The following ERC2 variants were observed in gnomAD, a reference collection of about 807,000 sequenced individuals.
The protein encoded by ERC2 is ERC protein 2.
A neutral mutation model predicts 114.8 loss-of-function variants in ERC2; 42 were observed. The ratio of observed to expected loss-of-function variants is 0.37; its 90% confidence interval spans 0.29 to 0.47. The LOEUF (loss-of-function observed/expected upper bound fraction) is 0.47, where lower values mean the gene tolerates loss of function less well. Among genes scored for constraint, ERC2 ranks in the 20% least tolerant of loss-of-function variants. The pLI is 0.99. For missense variants in ERC2, 939 were observed against 1,150.7 expected (o/e 0.82, Z 2.66); for synonymous variants, 454 against 425.5 (o/e 1.07, Z -0.82).
intron 6 of ERC2, among the ~76,000 whole-genome samples, chr3:56,107,875 A>G (rs571819987): frequency 6.6e-6 from 1 of 152,314 alleles, no homozygotes; most frequent in South Asian, 2.1e-4. Context: ...TTTTCCATAT[A>G]AGATATACTA....
At chr3:55,865,702 T>C (rs2062279122) in intron 14 of ERC2, among the ~76,000 whole-genome samples, 1 of 152,202 alleles carries the variant, frequency 6.6e-6, no homozygotes, top group Non-Finnish European at 1.5e-5. Context: ...AATTAGATCA[T>C]ACAATGTGGC....
intron 14 of ERC2, among the ~76,000 whole-genome samples, chr3:55,863,093 G>C (rs2062098858): frequency 6.6e-6 from 1 of 152,056 alleles, no homozygotes; most frequent in Non-Finnish European, 1.5e-5. Flanking sequence ...CTGGGATTAG[G>C]GGAGCAAAAG....
At chr3:56,105,394 A>G (rs936037860) in intron 6 of ERC2, among the ~76,000 whole-genome samples, 1 of 144,370 alleles carries the variant, frequency 6.9e-6, no homozygotes, top group Middle Eastern at 3.3e-3. Flanking sequence ...ACTCCAACCA[A>G]CTCCAACTCC....
intron 3 of ERC2, among the ~76,000 whole-genome samples, chr3:56,178,434 C>T (rs2083099870): frequency 6.6e-6 from 1 of 152,152 alleles, no homozygotes; most frequent in South Asian, 2.1e-4. Flanking sequence ...AAGAAAACTA[C>T]ATGGCCTTTT....
rs549415995 is a variant in ERC2 at position 56,374,197 on chromosome 3, C to A, written c.657+60154G>T. Among the ~76,000 whole-genome samples, 3 of 152,260 alleles carry A rather than the reference C, an allele frequency of 2.0e-5. No homozygotes were observed. In the East Asian group the frequency reaches 5.8e-4, roughly 29 times the overall value. ...CTGTAACCTCCACCTTCCAGGTTCA[C>A]GCCATTCTCCTGCCTCAGCCTCCTG... is the stretch of plus-strand genomic sequence containing the variant. On this transcript the variant is annotated intron_variant, in intron 2 of 17. Coordinates refer to ENST00000288221, the MANE Select transcript of ERC2 (RefSeq NM_015576.3).
intron 7 of ERC2, among the ~76,000 whole-genome samples, chr3:56,054,608 T>G (rs1284367146): frequency 6.6e-6 from 1 of 152,172 alleles, no homozygotes; most frequent in East Asian, 1.9e-4. Flanking sequence ...CTCCTAATAA[T>G]CCTATGGAAA....
At chr3:56,086,471 A>G (rs867318184) in intron 6 of ERC2, among the ~76,000 whole-genome samples, 28 of 151,210 alleles carry the variant, frequency 1.9e-4, no homozygotes, top group Admixed American at 5.3e-4. Context: ...GTTTTGCACT[A>G]GAAATGGGCT....
At chr3:56,287,177 T>C (rs1463684163) in intron 3 of ERC2, among the ~76,000 whole-genome samples, 1 of 152,158 alleles carries the variant, frequency 6.6e-6, no homozygotes, top group Non-Finnish European at 1.5e-5. Context: ...GTCTTAGGAG[T>C]TACAAATGCA....
intron 14 of ERC2, among the ~76,000 whole-genome samples, chr3:55,880,480 C>CTG (rs1286709916): frequency 9.8e-5 from 15 of 152,288 alleles, no homozygotes; most frequent in African/African-American, 3.6e-4. Context: ...TAGTAAGCAA[C>CTG]TGTGCATTTA....
chr3:56,030,886 C>T (rs889806256), intron 7 of ERC2, among the ~76,000 whole-genome samples: 2 of 152,172 alleles, frequency 1.3e-5, no homozygotes, highest in African/African-American at 4.8e-5. Context: ...GAATCCCAGG[C>T]AGTGCAGCAT....
chr3:55,885,733 C>T (rs1355899434), intron 14 of ERC2, among the ~76,000 whole-genome samples: 2 of 152,110 alleles, frequency 1.3e-5, no homozygotes, highest in African/African-American at 4.8e-5. Context: ...AAACAGAGGA[C>T]ATATTTTCAT....
Position 56,382,195 on chromosome 3 carries a change from G to A in ERC2, c.657+52156C>T, listed in dbSNP as rs550727207. On this transcript the variant is annotated intron_variant, in intron 2 of 17. Coordinates refer to ENST00000288221, the MANE Select transcript of ERC2 (RefSeq NM_015576.3). ...CCTGTAACTCTGGGTGCCCCAACAC[G>A]TGTGCCTACCCATAGTAGCCCCTCC... 5.0e-4 allele frequency among the ~76,000 whole-genome samples: 76 copies of A among 152,010 alleles called. 1 individual carries two copies. The highest frequency in any genetic ancestry group is 3.4e-3 in the Middle Eastern group (1 of 294).
intron 12 of ERC2, among the ~76,000 whole-genome samples, chr3:55,978,498 C>T (rs775572880): frequency 2.0e-4 from 30 of 152,290 alleles, no homozygotes; most frequent in African/African-American, 5.8e-4. Flanking sequence ...AGAAAAGCAA[C>T]GGAGGCAGCC....
chr3:56,158,159 G>A (rs987763047), intron 4 of ERC2, among the ~76,000 whole-genome samples: 3 of 152,166 alleles, frequency 2.0e-5, no homozygotes, highest in Non-Finnish European at 2.9e-5. Flanking sequence ...CTCAGACTTG[G>A]CAGAATTTTT....
At chr3:55,714,111 A>G (rs1223190128) in intron 15 of ERC2, among the ~76,000 whole-genome samples, 4 of 152,208 alleles carry the variant, frequency 2.6e-5, no homozygotes, top group Non-Finnish European at 5.9e-5. Flanking sequence ...TCAACATGAC[A>G]TTTGTCTTTT....
intron 3 of ERC2, among the ~76,000 whole-genome samples, chr3:56,187,797 A>G (rs1432940127): frequency 6.6e-6 from 1 of 152,204 alleles, no homozygotes; most frequent in African/African-American, 2.4e-5. Context: ...TAGGATCCAT[A>G]TGAGGTCTGC....
intron 17 of ERC2, among the ~76,000 whole-genome samples, chr3:55,659,850 T>C (rs1409301598): frequency 6.6e-6 from 1 of 150,874 alleles, no homozygotes; most frequent in East Asian, 1.9e-4. Context: ...CTCCTACTTA[T>C]CCGTGAGGCC....
Position 55,847,997 on chromosome 3 carries a change from A to G in ERC2, c.2564+40392T>C, listed in dbSNP as rs188587637. Among the ~76,000 whole-genome samples the G allele has an allele frequency of 2.6e-5, 4 of 152,142 alleles. No individual in the cohort carries two copies. The East Asian group carries it at 7.8e-4, about 30-fold the overall frequency. On this transcript the variant is annotated intron_variant, in intron 14 of 17. Coordinates refer to ENST00000288221, the MANE Select transcript of ERC2 (RefSeq NM_015576.3). The stretch of plus-strand genomic sequence containing the variant: ...TTTTTTGTAGAGATAGGGTCTCGCT[A>G]TGTTGCCCAGGCTGGTCTCCAACCT...
In ERC2 at chr3:56,428,592, A is replaced by T. The variant is rs1006090821; in HGVS notation, c.657+5759T>A. Among the ~76,000 whole-genome samples, 31 of 152,018 alleles carry T rather than the reference A, an allele frequency of 2.0e-4. 1 individual carries two copies. Among genetic ancestry groups the T allele is most frequent in the Non-Finnish European group, 8.8e-5 (6 of 67,996 alleles). ...GGGAGGGGAGAAAAGAATTATTTGC[A>T]GTTATACAAATAAAACAAAGCAGTA... On this transcript the variant is annotated intron_variant, in intron 2 of 17. Transcript: ENST00000288221.
Sources: gnomAD v4.1 joint callset for allele counts (sites outside exome capture counted in the v4.1 genomes callset) on GRCh38, gnomAD v4.1.1 for gene constraint, MANE v1.5 for transcripts, NCBI Gene and HGNC (gene_info 2026-07-23, HGNC 2026-07-21) for gene names.